Variants in PHLPP1 observed in about 807,000 individuals in gnomAD.
PHLPP1 encodes PH domain and leucine rich repeat protein phosphatase 1.
Under a neutral mutation model 117.2 loss-of-function variants are expected in PHLPP1, and 42 were observed. That is an observed-to-expected ratio of 0.36 (90% CI 0.28 to 0.46). PHLPP1 has a LOEUF of 0.46. PHLPP1 is among the 20% of genes least tolerant of loss of function. PHLPP1 has a pLI of 1.00. For missense variants in PHLPP1, 2,084 were observed against 2,241.9 expected, an observed-to-expected ratio of 0.93 and a Z score of 1.42; for synonymous variants, 1,042 against 970.7, an observed-to-expected ratio of 1.07 and a Z score of -1.37.
At chr18:62,858,858 G>A (rs1408505342) in intron 3 of PHLPP1, among the ~76,000 whole-genome samples, 1 of 152,138 alleles carries the variant, frequency 6.6e-6, no homozygotes, top group Admixed American at 6.5e-5. Context: ...ACTAGTAATA[G>A]TAATAGCAGT....
At chr18:62,738,387 T>G (rs1428527674) in intron 1 of PHLPP1, among the ~76,000 whole-genome samples, 1 of 151,668 alleles carries the variant, frequency 6.6e-6, no homozygotes, top group Admixed American at 6.6e-5. Flanking sequence ...AAAGCAACAA[T>G]GCAACAATAA....
In PHLPP1 at chr18:62,716,179, T is replaced by A. The variant is rs1357292055; in HGVS notation, c.496T>A (p.Ser166Thr). 8 of 1,520,528 alleles carry A rather than the reference T, an allele frequency of 5.3e-6. No individual in the cohort carries two copies. In the Admixed American group the frequency reaches 6.0e-5, roughly 11 times the overall value. The allele number at this position is 1,520,528 out of a possible 1,614,324, so 94.2% of individuals were successfully genotyped here. Reference protein sequence around the residue: ...GLPASCSASASLCTRSLDRKT... With the variant: ...GLPASCSASATLCTRSLDRKT... ...CCCCGCCTCCTGCTCGGCCTCGGCG[T>A]CGCTGTGCACCCGGAGCCTGGACAG... Residue 166 changes from serine to threonine, a missense_variant, in exon 1 of 17, where the codon TCG (serine) becomes ACG (threonine). Physicochemically the swap from Ser to Thr is moderately conservative, Grantham distance 58. Coordinates refer to ENST00000262719, the MANE Select transcript of PHLPP1 (RefSeq NM_194449.4). This position sits in a 1 kb window ranked among gnomAD's most constrained non-coding sequence, Gnocchi z 5.7.
intron 1 of PHLPP1, among the ~76,000 whole-genome samples, chr18:62,829,454 A>G (rs1914696212): frequency 6.6e-6 from 1 of 152,232 alleles, no homozygotes; most frequent in Non-Finnish European, 1.5e-5. Context: ...AAGATAGGCA[A>G]GAAAATAAAA....
intron 1 of PHLPP1, among the ~76,000 whole-genome samples, chr18:62,737,844 A>G (rs1168602219): frequency 2.6e-5 from 4 of 152,160 alleles, no homozygotes; most frequent in South Asian, 2.1e-4. Flanking sequence ...ATGAAGAACC[A>G]TGAACATAGG....
chr18:62,953,776 C>T (rs1048364061), intron 12 of PHLPP1, among the ~76,000 whole-genome samples: 2 of 152,152 alleles, frequency 1.3e-5, no homozygotes, highest in Non-Finnish European at 2.9e-5. Flanking sequence ...GCAAGGAAAT[C>T]CAGACTGTGA....
rs772032110 is a variant in PHLPP1 at position 62,902,970 on chromosome 18, C to T, written c.2451C>T (p.Asn817=). The change falls in exon 7 of 17, where the codon AAC becomes AAT. Residue 817 remains asparagine (N), a synonymous_variant. Transcript: ENST00000262719. ...PHIKHVDLRL[N]VIRKLIADEV... is the part of the protein sequence containing the mutation. ...TATGTCCTTTGCCCTCAAGGTTGAACGTAATTAGGAAGCTGATAGCAGATG... is the reference window on the plus strand; with the variant it reads ...TATGTCCTTTGCCCTCAAGGTTGAATGTAATTAGGAAGCTGATAGCAGATG... 61 of 1,607,270 alleles carry T rather than the reference C, an allele frequency of 3.8e-5. 1 individual carries two copies. In the South Asian group the frequency reaches 4.3e-4, roughly 11 times the overall value.
intron 8 of PHLPP1, among the ~76,000 whole-genome samples, chr18:62,913,230 T>C (rs1246834454): frequency 6.6e-6 from 1 of 152,176 alleles, no homozygotes; most frequent in East Asian, 1.9e-4. Flanking sequence ...AATTTTTGTA[T>C]GTTGGGGTTG....
At chr18:62,747,276 C>CTTT (rs564178033) in intron 1 of PHLPP1, among the ~76,000 whole-genome samples, 24 of 123,172 alleles carry the variant, frequency 1.9e-4, no homozygotes, top group African/African-American at 4.8e-4. Context: ...TCTTCATTTC[C>CTTT]TTTTTTTTTT....
intron 1 of PHLPP1, chr18:62,731,340 A>G (rs1911221768): frequency 1.3e-5 from 2 of 152,100 alleles, no homozygotes; most frequent in East Asian, 1.9e-4. Context: ...CACCCTTTTC[A>G]TTGTTATATC....
chr18:62,715,618 G>GCCTCCCACCTCCA lies in PHLPP1; in HGVS notation c.-62_-61insCCACCTCCACCTC. 1 of 1,114,924 alleles carries GCCTCCCACCTCCA rather than the reference G, an allele frequency of 9.0e-7. No homozygotes were observed. Among genetic ancestry groups the GCCTCCCACCTCCA allele is most frequent in the Non-Finnish European group, 1.1e-6 (1 of 875,438 alleles). The allele number at this position is 1,114,924 out of a possible 1,614,324, so 69.1% of individuals were successfully genotyped here. ...CGCGCCGCCGCCGTCTCCCACCTCCGCCTCATCGCCTCCCTCTCCGCCCGC... is the reference window on the plus strand; with the variant it reads ...CGCGCCGCCGCCGTCTCCCACCTCCGCCTCCCACCTCCACCTCATCGCCTCCCTCTCCGCCCGC... On this transcript the variant is annotated 5_prime_UTR_variant, in exon 1 of 17. Coordinates refer to ENST00000262719, the MANE Select transcript of PHLPP1 (RefSeq NM_194449.4).
intron 1 of PHLPP1, among the ~76,000 whole-genome samples, chr18:62,718,314 A>T (rs776734108): frequency 9.9e-5 from 15 of 152,210 alleles, no homozygotes; most frequent in Admixed American, 6.5e-4. Flanking sequence ...GTTGTAGGTG[A>T]TGGTGGAAAA....
intron 1 of PHLPP1, among the ~76,000 whole-genome samples, chr18:62,810,475 T>C (rs943370527): frequency 2.0e-5 from 3 of 152,184 alleles, no homozygotes; most frequent in Non-Finnish European, 4.4e-5. Flanking sequence ...CTCAATATAC[T>C]GTACTTAGGG....
In PHLPP1 at chr18:62,966,087, T is replaced by C. The variant is rs150675399; in HGVS notation, c.3560+2615T>C. 5.5e-3 allele frequency among the ~76,000 whole-genome samples: 835 copies of C among 152,108 alleles called. 3 individuals are homozygous for C. The highest frequency in any genetic ancestry group is 9.8e-3 in the Non-Finnish European group (667 of 67,928). ...GGCTTTGCACCTGGGTTCTATACTTTCTTGCTGTGTGACCATGGGCAGTTT... is the reference window on the plus strand; with the variant it reads ...GGCTTTGCACCTGGGTTCTATACTTCCTTGCTGTGTGACCATGGGCAGTTT... On this transcript the variant is annotated intron_variant, in intron 14 of 16. Transcript: ENST00000262719.
intron 1 of PHLPP1, among the ~76,000 whole-genome samples, chr18:62,742,827 C>T (rs1911570207): frequency 6.6e-6 from 1 of 152,116 alleles, no homozygotes; most frequent in Admixed American, 6.6e-5. Context: ...AAATTAGTAC[C>T]TCTTATTGAA....
intron 4 of PHLPP1, among the ~76,000 whole-genome samples, chr18:62,886,738 T>A (rs1298967428): frequency 6.6e-6 from 1 of 152,224 alleles, no homozygotes; most frequent in East Asian, 1.9e-4. Context: ...AAAGCGTGCC[T>A]TTGGAGTAAG....
intron 3 of PHLPP1, among the ~76,000 whole-genome samples, chr18:62,857,265 A>G (rs1308315378): frequency 6.6e-6 from 1 of 152,162 alleles, no homozygotes; most frequent in Non-Finnish European, 1.5e-5. Context: ...TAATATATGG[A>G]GGTGTGTGTG....
At chr18:62,728,629 C>G (rs1195081617) in intron 1 of PHLPP1, among the ~76,000 whole-genome samples, 1 of 152,006 alleles carries the variant, frequency 6.6e-6, no homozygotes, top group African/African-American at 2.4e-5. Context: ...TTGCCTCAGC[C>G]TCCCATGTAG....
intron 1 of PHLPP1, among the ~76,000 whole-genome samples, chr18:62,723,451 G>A (rs1286230899): frequency 6.6e-6 from 1 of 152,206 alleles, no homozygotes; most frequent in Non-Finnish European, 1.5e-5. Context: ...ATTTGAATTG[G>A]TTGTAATTTT....
intron 1 of PHLPP1, among the ~76,000 whole-genome samples, chr18:62,807,857 G>T (rs1363203134): frequency 1.3e-5 from 2 of 152,156 alleles, no homozygotes; most frequent in Non-Finnish European, 2.9e-5. Context: ...TGCTTTGGGT[G>T]GGTCAGTGAG....
Sources: gnomAD v4.1 joint callset for allele counts (sites outside exome capture counted in the v4.1 genomes callset) on GRCh38, gnomAD v4.1.1 for gene constraint, Gnocchi (gnomAD v3.1) non-coding constraint, MANE v1.5 for transcripts, NCBI Gene and HGNC (gene_info 2026-07-23, HGNC 2026-07-21) for gene names.